Variants in METTL15 observed in about 807,000 individuals in gnomAD.
METTL15 encodes 12S rRNA N(4)-cytidine methyltransferase METTL15.
METTL15 carries 34 observed loss-of-function variants against 38.3 expected under a neutral mutation model. The ratio of observed to expected loss-of-function variants is 0.89; its 90% CI spans 0.68 to 1.18. METTL15 has a LOEUF of 1.18. Ranked by LOEUF, METTL15 falls within the 50% of genes most tolerant of loss-of-function variation. METTL15 has a pLI of 0.00. For missense variants in METTL15, 438 were observed against 498.4 expected, an observed-to-expected ratio of 0.88 and a Z score of 1.15; for synonymous variants, 162 against 170.9, an observed-to-expected ratio of 0.95 and a Z score of 0.41.
At chr11:28,353,850 G>A (rs1291595017) in intron 4 of METTL15, among the ~76,000 whole-genome samples, 3 of 151,002 alleles carry the variant, frequency 2.0e-5, no homozygotes, top group Admixed American at 1.3e-4. Flanking sequence ...GCGTGAACCC[G>A]GGAAGCGGAG....
intron 3 of METTL15, among the ~76,000 whole-genome samples, chr11:28,190,205 C>T (rs1458865342): frequency 6.6e-6 from 1 of 151,016 alleles, no homozygotes; most frequent in East Asian, 1.9e-4. Flanking sequence ...GTGACTATAA[C>T]CTAGAGAGGG....
At chr11:28,431,642 C>T (rs541263065) in intron 6 of METTL15, among the ~76,000 whole-genome samples, 25 of 80,680 alleles carry the variant, frequency 3.1e-4, no homozygotes, top group African/African-American at 1.1e-3. Flanking sequence ...ACAAACACTG[C>T]GGAAGGCCGC....
In METTL15 at chr11:28,296,748, C is replaced by G. The variant is rs201065517; in HGVS notation, c.600-5C>G. The G allele has an allele frequency of 6.2e-7, 1 of 1,612,352 alleles. No individual in the cohort carries two copies. Among genetic ancestry groups the G allele is most frequent in the Non-Finnish European group, 8.5e-7 (1 of 1,179,310 alleles). On this transcript the variant is annotated splice_polypyrimidine_tract_variant and splice_region_variant and intron_variant, in intron 5 of 6. Coordinates refer to ENST00000407364, the MANE Select transcript of METTL15 (RefSeq NM_001113528.2). ...AGTGAACTAATTGGCTCTTCTTGTG[C>G]GTAGGTACCCTGACATGCCCACTGC...
intron 4 of METTL15, among the ~76,000 whole-genome samples, chr11:28,215,348 A>C (rs1852817934): frequency 6.6e-6 from 1 of 152,046 alleles, no homozygotes. Context: ...AGGTTAGAGT[A>C]ATATTTTAGG....
At chr11:28,424,080 T>C (rs979813414) in intron 5 of METTL15, among the ~76,000 whole-genome samples, 4 of 152,170 alleles carry the variant, frequency 2.6e-5, no homozygotes, top group African/African-American at 9.7e-5. Context: ...TAGAGCCCTT[T>C]ATACTGTTCA....
Position 28,331,656 on chromosome 11 carries a change from A to G in METTL15, c.*815A>G, listed in dbSNP as rs865916177. ...AAATAGAAAACTGTCTATTTAATAT[A>G]GTAAAATCAATGCTCCCTTAATGTT... On this transcript the variant is annotated 3_prime_UTR_variant, in exon 7 of 7. Transcript: ENST00000407364. The G allele has an allele frequency of 4.5e-4, 69 of 151,940 alleles. No homozygotes were observed. The South Asian group carries it at 0.011, about 25-fold the overall frequency. The allele number at this position is 151,940 out of a possible 1,614,324, so 9.4% of individuals were successfully genotyped here.
chr11:28,182,447 G>T (rs1271585709), intron 3 of METTL15, among the ~76,000 whole-genome samples: 1 of 151,886 alleles, frequency 6.6e-6, no homozygotes, highest in Non-Finnish European at 1.5e-5. Flanking sequence ...GTGTAAGGAA[G>T]GGGTCCAGTT....
intron 6 of METTL15, among the ~76,000 whole-genome samples, chr11:28,466,269 T>A (rs1218496882): frequency 6.6e-6 from 1 of 152,222 alleles, no homozygotes; most frequent in African/African-American, 2.4e-5. Flanking sequence ...ACGGCCAAAT[T>A]GGAAGACTGT....
At chr11:28,321,200 T>A (rs1849455229) in intron 6 of METTL15, among the ~76,000 whole-genome samples, 1 of 152,192 alleles carries the variant, frequency 6.6e-6, no homozygotes, top group Admixed American at 6.5e-5. Flanking sequence ...TTATGCCCAG[T>A]ATGCACTAAA....
chr11:28,339,228 A>G (rs1590338482), intron 3 of METTL15, among the ~76,000 whole-genome samples: 1 of 152,116 alleles, frequency 6.6e-6, no homozygotes, highest in South Asian at 2.1e-4. Flanking sequence ...TTTATTGTCT[A>G]TCACTAAATC....
intron 6 of METTL15, among the ~76,000 whole-genome samples, chr11:28,452,193 G>C (rs940906385): frequency 2.0e-5 from 3 of 152,178 alleles, no homozygotes; most frequent in African/African-American, 7.2e-5. Flanking sequence ...ATAATAGGGA[G>C]GGGTGCCTTT....
chr11:28,259,700 A>G (rs1565207299), intron 4 of METTL15, among the ~76,000 whole-genome samples: 1 of 152,168 alleles, frequency 6.6e-6, no homozygotes, highest in Non-Finnish European at 1.5e-5. Flanking sequence ...TGAGCATAGA[A>G]ACACTCTCCA....
intron 4 of METTL15, among the ~76,000 whole-genome samples, chr11:28,236,012 A>T (rs1853946421): frequency 6.6e-6 from 1 of 152,018 alleles, no homozygotes; most frequent in African/African-American, 2.4e-5. Flanking sequence ...AGTTTTTAGC[A>T]TGAAGGGTTG....
chr11:28,204,821 G>A (rs1852256552), intron 3 of METTL15, among the ~76,000 whole-genome samples: 1 of 151,854 alleles, frequency 6.6e-6, no homozygotes, highest in Non-Finnish European at 1.5e-5. Context: ...AACAATTGAG[G>A]CTTAAAGAAT....
chr11:28,315,016 G>T (rs1365126121), intron 6 of METTL15, among the ~76,000 whole-genome samples: 2 of 152,152 alleles, frequency 1.3e-5, no homozygotes, highest in African/African-American at 4.8e-5. Context: ...CCCAGTCTCA[G>T]GTATGCCTTT....
At chr11:28,389,021 TTATGGCTAC>T (rs1850472427) in intron 5 of METTL15, among the ~76,000 whole-genome samples, 1 of 152,126 alleles carries the variant, frequency 6.6e-6, no homozygotes, top group Non-Finnish European at 1.5e-5. Flanking sequence ...TCATCCTTTT[TTATGGCTAC>T]ATAGTATTCC....
intron 3 of METTL15, among the ~76,000 whole-genome samples, chr11:28,185,990 T>C (rs1039535234): frequency 6.6e-6 from 1 of 150,886 alleles, no homozygotes; most frequent in Non-Finnish European, 1.5e-5. Flanking sequence ...TTATGAGTCC[T>C]GTTTAGCAAT....
chr11:28,237,829 C>T (rs974390040), intron 4 of METTL15, among the ~76,000 whole-genome samples: 1 of 152,170 alleles, frequency 6.6e-6, no homozygotes, highest in African/African-American at 2.4e-5. Context: ...ACAGACAGGA[C>T]CCTCAGCTGC....
chr11:28,390,289 A>G (rs1248539681), intron 5 of METTL15, among the ~76,000 whole-genome samples: 41 of 151,116 alleles, frequency 2.7e-4, no homozygotes, highest in Admixed American at 2.6e-4. Context: ...TGTTTTAGAC[A>G]TGAAGTCCTT....
Sources: gnomAD v4.1 joint callset for allele counts (sites outside exome capture counted in the v4.1 genomes callset) on GRCh38, gnomAD v4.1.1 for gene constraint, MANE v1.5 for transcripts, NCBI Gene and HGNC (gene_info 2026-07-23, HGNC 2026-07-21) for gene names.